NOTCH2: variants seen among roughly 807,000 people sequenced by gnomAD.
The protein encoded by NOTCH2 is neurogenic locus notch homolog protein 2.
Under a neutral mutation model 235.8 loss-of-function variants are expected in NOTCH2, and 29 were observed. That is an observed-to-expected ratio of 0.12 (90% CI 0.09 to 0.17). The LOEUF (loss-of-function observed/expected upper bound fraction) is 0.17, where lower values mean the gene tolerates loss of function less well. NOTCH2 is among the 10% of genes least tolerant of loss of function. The pLI, the probability that NOTCH2 is intolerant of heterozygous loss-of-function variation, is 1.00. For synonymous variants in NOTCH2, 1,086 were observed against 1,141.5 expected, an observed-to-expected ratio of 0.95 and a Z score of 0.98; for missense variants, 2,285 against 3,150.2, an observed-to-expected ratio of 0.73 and a Z score of 6.57.
In NOTCH2 at chr1:119,914,486, A is replaced by G. The variant is rs1648996062; in HGVS notation, c.*820T>C. 4.3e-6 allele frequency: 1 copy of G among 233,440 alleles called. No individual in the cohort carries two copies. Among genetic ancestry groups the G allele is most frequent in the East Asian group, 6.0e-5 (1 of 16,590 alleles). 14.5% of individuals were successfully genotyped at this position (233,440 alleles called of 1,614,324 possible). A position where few individuals can be genotyped will look rare whatever the true frequency, so the allele number is the denominator to read the frequency against. The stretch of plus-strand genomic sequence containing the variant: ...CACCCTTCTTCCTGGTAAAGTTTAT[A>G]TGAAGACCTGCACACAGACAAGAAA... On this transcript the variant is annotated 3_prime_UTR_variant, in exon 34 of 34. Coordinates refer to ENST00000256646, the MANE Select transcript of NOTCH2 (RefSeq NM_024408.4).
At position 119,915,399 on chromosome 1, in the gene NOTCH2, G is replaced by C; in HGVS notation, c.7323C>G (p.Thr2441=). The C allele has an allele frequency of 6.2e-7, 1 of 1,614,182 alleles. No individual in the cohort carries two copies. Among genetic ancestry groups the C allele is most frequent in the Non-Finnish European group, 8.5e-7 (1 of 1,180,022 alleles). ...HSASDWSDVT[T]SPTPGGAGGG... is the part of the protein sequence containing the mutation. ...CTCCAGCACCCCCAGGGGTAGGGCT[G>C]GTGGTCACATCTGACCAGTCAGAAG... The change falls in exon 34 of 34, where the codon ACC becomes ACG. Residue 2441 remains threonine, a synonymous_variant. Coordinates refer to ENST00000256646, the MANE Select transcript of NOTCH2 (RefSeq NM_024408.4).
chr1:119,935,412 A>T, intron 22 of NOTCH2, 60 bp downstream of exon 22: 1 of 1,613,730 alleles, frequency 6.2e-7, no homozygotes, highest in Non-Finnish European at 8.5e-7. Context: ...GAACACTAAG[A>T]ATGGATTTAT....
rs1649024215 is a variant in NOTCH2 at position 119,915,311 on chromosome 1, C to A, written c.7411G>T (p.Ala2471Ser). 1 of 1,613,064 alleles carries A rather than the reference C, an allele frequency of 6.2e-7. No homozygotes were observed. Among genetic ancestry groups the A allele is most frequent in the South Asian group, 1.1e-5 (1 of 91,044 alleles). ...EPPHNNMQVY[A>S] ...TACACTGGAGGTGGACTCTCTCACG[C>A]ATAAACCTGCATGTTGTTGTGTGGT... Residue 2471 changes from alanine (A) to serine (S), a missense_variant, in exon 34 of 34, where the codon GCG becomes TCG. Transcript: ENST00000256646.
At chr1:119,948,169 G>A (rs1650329243) in intron 17 of NOTCH2, among the ~76,000 whole-genome samples, 1 of 152,164 alleles carries the variant, frequency 6.6e-6, no homozygotes, top group East Asian at 1.9e-4. Flanking sequence ...CACTATCATA[G>A]CATTGTCCTC....
chr1:119,938,895 C>T (rs587727583), intron 19 of NOTCH2, among the ~76,000 whole-genome samples: 185 of 152,094 alleles, frequency 1.2e-3, no homozygotes, highest in African/African-American at 4.2e-3. Flanking sequence ...TTAGCCAGGA[C>T]GGTCTCGATC....
At chr1:120,017,812 C>T (rs1643454842) in intron 2 of NOTCH2, among the ~76,000 whole-genome samples, 1 of 150,494 alleles carries the variant, frequency 6.6e-6, no homozygotes, top group African/African-American at 2.5e-5. Flanking sequence ...CAGACATACA[C>T]ACACACAGTC....
chr1:119,989,139 C>T (rs587690424), intron 4 of NOTCH2, among the ~76,000 whole-genome samples: 2 of 152,266 alleles, frequency 1.3e-5, no homozygotes, highest in African/African-American at 2.4e-5. Flanking sequence ...CTCAGCATTG[C>T]CATGCAATAG....
rs1470850723 is a variant in NOTCH2 at position 120,007,364 on chromosome 1, C to A, written c.156-1776G>T. Among the ~76,000 whole-genome samples, 6 of 143,488 alleles carry A rather than the reference C, an allele frequency of 4.2e-5. 1 individual carries two copies. Among genetic ancestry groups the A allele is most frequent in the Non-Finnish European group, 8.9e-5 (6 of 67,452 alleles). 94.1% of individuals were successfully genotyped at this position (143,488 alleles called of 152,430 possible). Reference sequence around the variant, plus strand: ...GATTATTCTAAGAACTGAACAAAATCAAGTATGTAAAAAACCTTATAAATG... The same window carrying A: ...GATTATTCTAAGAACTGAACAAAATAAAGTATGTAAAAAACCTTATAAATG... On this transcript the variant is annotated intron_variant, in intron 2 of 33. Transcript: ENST00000256646.
At position 120,005,602 on chromosome 1, in the gene NOTCH2, AGAAGAG is replaced by A. The variant is rs1312541855; in HGVS notation, c.156-20_156-15del. On this transcript the variant is annotated splice_polypyrimidine_tract_variant and intron_variant, in intron 2 of 33. Transcript: ENST00000256646. ...CCTTCTGGACATCTGTATGGAAAAG[AGAAGAG>A]TCCATGAAAACACCTGACTTCTTGT... 1 of 1,498,482 alleles carries A rather than the reference AGAAGAG, an allele frequency of 6.7e-7. No individual in the cohort carries two copies. The highest frequency in any genetic ancestry group is 9.2e-7 in the Non-Finnish European group (1 of 1,084,558). The allele number at this position is 1,498,482 out of a possible 1,614,324, so 92.8% of individuals were successfully genotyped here.
In NOTCH2 at chr1:119,919,506, C is replaced by T. The variant is rs773871008; in HGVS notation, c.5587G>A (p.Val1863Ile). 6.2e-7 allele frequency: 1 copy of T among 1,613,932 alleles called. No individual in the cohort carries two copies. Among genetic ancestry groups the T allele is most frequent in the South Asian group, 1.1e-5 (1 of 91,078 alleles). Residue 1863 changes from valine to isoleucine, a missense_variant, in exon 31 of 34, where the codon GTC becomes ATC. Around this residue, in one of 6 missense-constraint regions of NOTCH2, gnomAD observed 128 missense variants for 255.9 expected, o/e 0.50. Transcript: ENST00000256646. ...GCCTGGAGGCTGGCACCCTGGTAGA[C>T]CAAGTCTGTGATGATGTTAGCAGAA... Reference protein sequence around the residue: ...DSSANIITDLVYQGASLQAQT... With the variant: ...DSSANIITDLIYQGASLQAQT...
At chr1:119,986,791 T>C (rs1553202269) in intron 5 of NOTCH2, among the ~76,000 whole-genome samples, 169 bp downstream of exon 5, 1 of 152,046 alleles carries the variant, frequency 6.6e-6, no homozygotes, top group Non-Finnish European at 1.5e-5. Context: ...CATAGGAAAA[T>C]GTATGAGGTT....
chr1:119,978,730 C>T (rs1461167856), intron 5 of NOTCH2, among the ~76,000 whole-genome samples: 1 of 152,118 alleles, frequency 6.6e-6, no homozygotes, highest in Non-Finnish European at 1.5e-5. Context: ...TGGCTCTCCC[C>T]ACCTTAGGCT....
At position 119,916,648 on chromosome 1, in the gene NOTCH2, G is replaced by A. The variant is rs2101145167; in HGVS notation, c.6074C>T (p.Ala2025Val). The A allele has an allele frequency of 6.2e-7, 1 of 1,614,190 alleles. No individual in the cohort carries two copies. The highest frequency in any genetic ancestry group is 8.5e-7 in the Non-Finnish European group (1 of 1,180,046). Residue 2025 changes from alanine (A) to valine (V), a missense_variant, in exon 34 of 34, where the codon GCA becomes GTA. Transcript: ENST00000256646. ...FLAAREGSYE[A>V]AKILLDHFAN... ...AAAATGGTCTAACAGGATCTTGGCT[G>A]CTTCATAGCTCCCCTCCCGGGCAGC...
intron 1 of NOTCH2, among the ~76,000 whole-genome samples, chr1:120,039,408 G>C (rs1654453265): frequency 7.1e-6 from 1 of 141,068 alleles, no homozygotes; most frequent in Non-Finnish European, 1.5e-5. Flanking sequence ...CCTTTTTAAA[G>C]CTTTTTTTTT....
chr1:119,940,874 T>A, intron 18 of NOTCH2, 118 bp from the exon 19 acceptor site: 1 of 870,792 alleles, frequency 1.1e-6, no homozygotes, highest in East Asian at 2.6e-5. Context: ...GCAACCCATA[T>A]CCCTTAAACT....
chr1:119,966,475 G>A lies in NOTCH2; in HGVS notation c.1468C>T (p.His490Tyr), dbSNP rs2101141727. 6.2e-7 allele frequency: 1 copy of A among 1,612,430 alleles called. No homozygotes were observed. The highest frequency in any genetic ancestry group is 1.3e-5 in the African/African-American group (1 of 74,982). Residue 490 changes from histidine (H) to tyrosine (Y), a missense_variant, in exon 9 of 34, where the codon CAT (histidine) becomes TAT (tyrosine). Around this residue, in one of 6 missense-constraint regions of NOTCH2, gnomAD observed 431 missense variants for 757.8 expected, o/e 0.57. Transcript: ENST00000256646. ...CLCMPGFKGVHCELEINECQS... is the reference protein window; with the variant it reads ...CLCMPGFKGVYCELEINECQS... Reference sequence around the variant, plus strand: ...CATTCATTTATTTCTAATTCACAATGCACACCTTTGAAACCTAAACAAAAC... The same window carrying A: ...CATTCATTTATTTCTAATTCACAATACACACCTTTGAAACCTAAACAAAAC...
intron 1 of NOTCH2, among the ~76,000 whole-genome samples, chr1:120,067,204 G>A (rs1315432595): frequency 6.7e-6 from 1 of 150,342 alleles, no homozygotes; most frequent in African/African-American, 2.5e-5. Context: ...AGCCTTCACT[G>A]TAGACTCTAA....
At chr1:119,973,849 A>C (rs1237888098) in intron 5 of NOTCH2, among the ~76,000 whole-genome samples, 1 of 152,214 alleles carries the variant, frequency 6.6e-6, no homozygotes, top group Non-Finnish European at 1.5e-5. Flanking sequence ...TACAGGATTA[A>C]GTCTTAAACA....
intron 18 of NOTCH2, 35 bp downstream of exon 18, chr1:119,941,491 G>C (rs370094759): frequency 2.1e-6 from 3 of 1,459,730 alleles, no homozygotes; most frequent in East Asian, 2.3e-5. Context: ...CCTTTCTCTC[G>C]TAAGATGCTG....
Sources: allele counts gnomAD v4.1 joint callset (sites outside exome capture counted in the v4.1 genomes callset), GRCh38; gene constraint gnomAD v4.1.1; regional missense constraint gnomAD v4.1.1; transcripts MANE v1.5; gene names NCBI Gene and HGNC (gene_info 2026-07-23, HGNC 2026-07-21).